Variants in UHMK1 observed in about 807,000 individuals in gnomAD.
The protein encoded by UHMK1 is U2AF homology motif kinase 1.
In UHMK1, 18 loss-of-function variants were observed where a neutral mutation model predicts 44.0. The ratio of observed to expected loss-of-function variants is 0.41; its 90% CI spans 0.28 to 0.61. UHMK1 has a LOEUF of 0.61. Ranked by LOEUF, UHMK1 falls within the 20% of genes least tolerant of loss-of-function variation. The pLI, the probability that UHMK1 is intolerant of heterozygous loss-of-function variation, is 0.31. For missense variants in UHMK1, 463 were observed against 522.5 expected, an observed-to-expected ratio of 0.89 and a Z score of 1.11; for synonymous variants, 231 against 198.5, an observed-to-expected ratio of 1.16 and a Z score of -1.38.
intron 7 of UHMK1, among the ~76,000 whole-genome samples, chr1:162,519,780 A>G (rs1446210319): frequency 1.3e-5 from 2 of 152,288 alleles, no homozygotes; most frequent in African/African-American, 4.8e-5. Flanking sequence ...TGTCCTCTAC[A>G]CTATAGAACG....
intron 3 of UHMK1, among the ~76,000 whole-genome samples, chr1:162,503,048 A>C (rs1427166905): frequency 6.6e-6 from 1 of 152,194 alleles, no homozygotes; most frequent in East Asian, 1.9e-4. Context: ...GAGTAATATG[A>C]CAAATAAGAT....
intron 7 of UHMK1, among the ~76,000 whole-genome samples, chr1:162,520,333 A>G (rs1488404787): frequency 6.6e-6 from 1 of 152,248 alleles, no homozygotes; most frequent in Admixed American, 6.5e-5. Flanking sequence ...TACATTTAGT[A>G]TCACGTACTG....
chr1:162,502,445 TCATTCTTTATTATTGATATCC>T (rs1216956195), intron 3 of UHMK1, among the ~76,000 whole-genome samples: 1 of 152,176 alleles, frequency 6.6e-6, no homozygotes, highest in Non-Finnish European at 1.5e-5. Context: ...AAAATCAGTA[TCATTCTTTATTATTGATATCC>T]CAAACAATCA....
intron 1 of UHMK1, among the ~76,000 whole-genome samples, chr1:162,498,738 G>A (rs572508631): frequency 6.6e-6 from 1 of 152,254 alleles, no homozygotes; most frequent in East Asian, 1.9e-4. Flanking sequence ...TTCCATGGGA[G>A]CCTTTATAGA....
chr1:162,522,114 T>C (rs1031589192), intron 7 of UHMK1, among the ~76,000 whole-genome samples: 1 of 152,336 alleles, frequency 6.6e-6, no homozygotes, highest in East Asian at 1.9e-4. Context: ...TAGCAAAAGA[T>C]TGTACATGAT....
intron 1 of UHMK1, among the ~76,000 whole-genome samples, chr1:162,499,232 A>G (rs891608419): frequency 3.3e-5 from 5 of 151,998 alleles, no homozygotes; most frequent in African/African-American, 7.3e-5. Flanking sequence ...CTGGAGTACA[A>G]TGGCGAGATC....
chr1:162,507,079 G>A (rs374771932), intron 4 of UHMK1, among the ~76,000 whole-genome samples: 12 of 150,306 alleles, frequency 8.0e-5, no homozygotes, highest in South Asian at 2.1e-4. Flanking sequence ...GTCTACATAC[G>A]TTTGATTTTC....
chr1:162,500,894 A>G lies in UHMK1; in HGVS notation c.562-19A>G, dbSNP rs1422050552. On this transcript the variant is annotated intron_variant, in intron 2 of 7. Coordinates refer to ENST00000489294, the MANE Select transcript of UHMK1 (RefSeq NM_175866.5). The stretch of plus-strand genomic sequence containing the variant: ...GAGCAGCTTTTTTATTGGTTGTAAT[A>G]TTTACTCATCTTTTTTAGGATGTAA... The G allele has an allele frequency of 1.2e-6, 2 of 1,604,874 alleles. No individual in the cohort carries two copies. Among genetic ancestry groups the G allele is most frequent in the African/African-American group, 1.3e-5 (1 of 74,684 alleles).
chr1:162,518,604 C>G (rs1215773986), intron 7 of UHMK1, among the ~76,000 whole-genome samples: 2 of 151,718 alleles, frequency 1.3e-5, no homozygotes, highest in African/African-American at 4.8e-5. Context: ...AACACTTGAA[C>G]TCAGGAGGCA....
chr1:162,497,755 G>C, upstream of UHMK1: 24 of 1,176,030 alleles, frequency 2.0e-5, no homozygotes, highest in South Asian at 2.6e-5. Context: ...TCTAGGCCCC[G>C]CCCCTTCTGA....
Position 162,512,596 on chromosome 1 carries a change from AT to A in UHMK1, c.925+27del, listed in dbSNP as rs774379127. 3.7e-6 allele frequency: 6 copies of A among 1,605,704 alleles called. No homozygotes were observed. The highest frequency in any genetic ancestry group is 3.4e-6 in the Non-Finnish European group (4 of 1,177,662). On this transcript the variant is annotated intron_variant, in intron 5 of 7. Coordinates refer to ENST00000489294, the MANE Select transcript of UHMK1 (RefSeq NM_175866.5). ...CTTTTGGTAAGTTGTGTATTCTTTT[AT>A]TTTTTTCTTGGTCATTTGACAGTCA...
chr1:162,508,303 G>C (rs1276458467), intron 4 of UHMK1, among the ~76,000 whole-genome samples: 2 of 151,938 alleles, frequency 1.3e-5, no homozygotes, highest in Non-Finnish European at 2.9e-5. Context: ...GTAGAGACAA[G>C]GTTTCACCAT....
intron 4 of UHMK1, among the ~76,000 whole-genome samples, chr1:162,508,532 C>T (rs1004805072): frequency 1.3e-5 from 2 of 151,478 alleles, no homozygotes; most frequent in Non-Finnish European, 2.9e-5. Context: ...GGTGAAATCC[C>T]GTCTCTACTA....
intron 4 of UHMK1, among the ~76,000 whole-genome samples, chr1:162,507,846 C>T (rs191276211): frequency 9.9e-5 from 15 of 152,028 alleles, no homozygotes; most frequent in Admixed American, 2.0e-4. Context: ...TCGGCCTCCC[C>T]AAATGTTGTG....
intron 3 of UHMK1, among the ~76,000 whole-genome samples, chr1:162,502,083 G>A (rs1316896201): frequency 6.6e-6 from 1 of 152,194 alleles, no homozygotes; most frequent in East Asian, 1.9e-4. Flanking sequence ...GGCTGAGGCA[G>A]GAGGATCACT....
chr1:162,522,828 C>A lies in UHMK1; in HGVS notation c.*278C>A. The A allele has an allele frequency of 3.8e-6, 1 of 261,084 alleles. No homozygotes were observed. The highest frequency in any genetic ancestry group is 7.3e-5 in the East Asian group (1 of 13,738). The allele number at this position is 261,084 out of a possible 1,614,324, so 16.2% of individuals were successfully genotyped here. ...CAGGTGTTGCTCTTCAGTATGTAGCCTAAAAAAATCTTAATTATTTCATGG... is the reference window on the plus strand; with the variant it reads ...CAGGTGTTGCTCTTCAGTATGTAGCATAAAAAAATCTTAATTATTTCATGG... On this transcript the variant is annotated 3_prime_UTR_variant, in exon 8 of 8. Coordinates refer to ENST00000489294, the MANE Select transcript of UHMK1 (RefSeq NM_175866.5).
intron 6 of UHMK1, among the ~76,000 whole-genome samples, chr1:162,514,578 TA>T (rs1231540215): frequency 3.9e-5 from 6 of 152,130 alleles, no homozygotes; most frequent in African/African-American, 1.2e-4. Flanking sequence ...TGACACACAG[TA>T]GGCACTCAAA....
Position 162,512,506 on chromosome 1 carries a change from T to C in UHMK1, c.855T>C (p.Leu285=), listed in dbSNP as rs766912163. The change falls in exon 5 of 8, where the codon CTT becomes CTC. Residue 285 remains leucine, a synonymous_variant. Coordinates refer to ENST00000489294, the MANE Select transcript of UHMK1 (RefSeq NM_175866.5). ...YHLRDLIKSM[L]HDDPSRRIPA... ...ACCTATTTTTGTGTTTTAGCATGCT[T>C]CATGATGATCCAAGCAGAAGAATTC... The C allele has an allele frequency of 1.2e-6, 2 of 1,609,768 alleles. No homozygotes were observed. Among genetic ancestry groups the C allele is most frequent in the Non-Finnish European group, 1.7e-6 (2 of 1,179,048 alleles).
rs755509978 is a variant in UHMK1 at position 162,522,459 on chromosome 1, C to G, written c.1169C>G (p.Thr390Ser). ...TCCAAAGCTGCGCAGAAATTACTGA[C>G]TGGAAGGATGTTTGATGGGAAGTTT... Reference protein sequence around the residue: ...GDSKAAQKLLTGRMFDGKFVV... With the variant: ...GDSKAAQKLLSGRMFDGKFVV... Residue 390 changes from threonine to serine, a missense_variant, in exon 8 of 8, where the codon ACT becomes AGT. By Grantham distance (58) the Thr-to-Ser change is moderately conservative. Around this residue, in one of 3 missense-constraint regions of UHMK1, gnomAD observed 264 missense variants for 326.3 expected, o/e 0.81. Transcript: ENST00000489294. The G allele has an allele frequency of 4.8e-5, 77 of 1,614,016 alleles. No homozygotes were observed. The highest frequency in any genetic ancestry group is 6.2e-5 in the Non-Finnish European group (73 of 1,180,030).
Sources: gnomAD v4.1 joint callset for allele counts (sites outside exome capture counted in the v4.1 genomes callset) on GRCh38, gnomAD v4.1.1 for gene constraint, gnomAD v4.1.1 regional missense constraint, MANE v1.5 for transcripts, NCBI Gene and HGNC (gene_info 2026-07-23, HGNC 2026-07-21) for gene names.